Variants in CACNA2D3 observed in about 807,000 individuals in gnomAD.
CACNA2D3 encodes the protein calcium voltage-gated channel auxiliary subunit alpha2delta 3.
CACNA2D3 carries 60 observed loss-of-function variants against 160.6 expected under a neutral mutation model. The observed-to-expected ratio is 0.37, with a 90% confidence interval of 0.30 to 0.46. The LOEUF (loss-of-function observed/expected upper bound fraction) is 0.46, where lower values mean the gene tolerates loss of function less well. Among genes scored for constraint, CACNA2D3 ranks in the 20% least tolerant of loss-of-function variants. CACNA2D3 has a pLI of 1.00. For synonymous variants in CACNA2D3, 558 were observed against 492.9 expected, an observed-to-expected ratio of 1.13 and a Z score of -1.75; for missense variants, 1,205 against 1,365.0, an observed-to-expected ratio of 0.88 and a Z score of 1.85.
intron 27 of CACNA2D3, among the ~76,000 whole-genome samples, chr3:54,957,762 G>A (rs565968127): frequency 3.3e-5 from 5 of 152,188 alleles, no homozygotes; most frequent in African/African-American, 4.8e-5. Flanking sequence ...ATGCCAGTCC[G>A]TCTGTCATCT....
intron 9 of CACNA2D3, among the ~76,000 whole-genome samples, chr3:54,592,235 TA>T (rs1441605384): frequency 6.6e-6 from 1 of 152,194 alleles, no homozygotes; most frequent in Non-Finnish European, 1.5e-5. Context: ...CCATGAGTCT[TA>T]AAACAGAGGA....
chr3:54,401,593 G>A (rs979805524), intron 4 of CACNA2D3, among the ~76,000 whole-genome samples: 53 of 152,244 alleles, frequency 3.5e-4, no homozygotes, highest in African/African-American at 1.2e-3. Context: ...AGAAAGGGAT[G>A]AAAATTTTAA....
In CACNA2D3 at chr3:54,502,152, T is replaced by C. The variant is rs558150624; in HGVS notation, c.382-1340T>C. Among the ~76,000 whole-genome samples, 13 of 152,372 alleles carry C rather than the reference T, an allele frequency of 8.5e-5. No individual in the cohort carries two copies. In the South Asian group the frequency reaches 2.7e-3, roughly 32 times the overall value. On this transcript the variant is annotated intron_variant, in intron 4 of 37. Transcript: ENST00000474759. ...CATTGTGTTCAGTGTTCTCTCAACTTCCTTGATCTGTAGCTTGATTTTTGT... is the reference window on the plus strand; with the variant it reads ...CATTGTGTTCAGTGTTCTCTCAACTCCCTTGATCTGTAGCTTGATTTTTGT...
chr3:54,533,332 C>CTTTTTTTTTTTT (rs60076440), intron 5 of CACNA2D3, among the ~76,000 whole-genome samples: 3 of 97,306 alleles, frequency 3.1e-5, no homozygotes, highest in Non-Finnish European at 3.9e-5. Flanking sequence ...CTTTTCTTTC[C>CTTTTTTTTTTTT]TTTTTTTTTT....
At chr3:54,588,010 C>T (rs1338769370) in intron 9 of CACNA2D3, among the ~76,000 whole-genome samples, 2 of 152,278 alleles carry the variant, frequency 1.3e-5, no homozygotes, top group South Asian at 2.1e-4. Context: ...AAACCAAAGA[C>T]AGTGCAGAAA....
intron 3 of CACNA2D3, among the ~76,000 whole-genome samples, chr3:54,381,981 A>G (rs968256501): frequency 6.6e-6 from 1 of 152,120 alleles, no homozygotes; most frequent in Admixed American, 6.5e-5. Flanking sequence ...TATCATTTTT[A>G]TTGAGTAAGG....
At chr3:54,476,249 CGTGT>C (rs368587312) in intron 4 of CACNA2D3, among the ~76,000 whole-genome samples, 10 of 142,476 alleles carry the variant, frequency 7.0e-5, no homozygotes, top group African/African-American at 2.3e-4. Flanking sequence ...AATATTCCTG[CGTGT>C]GTGTGTGTAT....
intron 17 of CACNA2D3, among the ~76,000 whole-genome samples, chr3:54,847,734 G>A (rs1698966779): frequency 6.6e-6 from 1 of 152,218 alleles, no homozygotes; most frequent in Non-Finnish European, 1.5e-5. Context: ...TGAAAAGTCT[G>A]ATTGAAAAAG....
At chr3:54,493,458 C>T (rs1275280297) in intron 4 of CACNA2D3, among the ~76,000 whole-genome samples, 1 of 152,124 alleles carries the variant, frequency 6.6e-6, no homozygotes, top group Non-Finnish European at 1.5e-5. Flanking sequence ...AGTGCTTATT[C>T]CAGTATTCAG....
intron 2 of CACNA2D3, among the ~76,000 whole-genome samples, chr3:54,128,278 T>G (rs1446537061): frequency 6.6e-6 from 1 of 152,198 alleles, no homozygotes; most frequent in Non-Finnish European, 1.5e-5. Flanking sequence ...TTTCCAGTTT[T>G]TGATGAAGAC....
chr3:54,748,806 A>G (rs1429993122), intron 11 of CACNA2D3, among the ~76,000 whole-genome samples: 1 of 152,144 alleles, frequency 6.6e-6, no homozygotes, highest in African/African-American at 2.4e-5. Context: ...AAGGCAGACC[A>G]CTGAAAGTTT....
intron 32 of CACNA2D3, among the ~76,000 whole-genome samples, chr3:55,006,937 G>T (rs79433303): frequency 0.011 from 1,661 of 152,290 alleles, 13 homozygotes; most frequent in Non-Finnish European, 0.02. Context: ...AACCACAAAA[G>T]GTTCTGAGAT....
chr3:54,914,122 C>A (rs1450950187), intron 27 of CACNA2D3, among the ~76,000 whole-genome samples: 2 of 152,156 alleles, frequency 1.3e-5, no homozygotes, highest in Admixed American at 1.3e-4. Context: ...TATAAGTCTG[C>A]AGTTAATTCT....
At chr3:54,380,631 G>A (rs1165659922) in intron 3 of CACNA2D3, among the ~76,000 whole-genome samples, 15 of 152,148 alleles carry the variant, frequency 9.9e-5, no homozygotes, top group African/African-American at 2.7e-4. Flanking sequence ...CCAGCCACTC[G>A]GGAGGCCGAG....
At chr3:54,440,132 C>G (rs902464069) in intron 4 of CACNA2D3, among the ~76,000 whole-genome samples, 1 of 152,156 alleles carries the variant, frequency 6.6e-6, no homozygotes, top group African/African-American at 2.4e-5. Flanking sequence ...TCTCTCCTCT[C>G]TAGTAAAGGA....
At chr3:54,328,639 A>T (rs919899366) in intron 3 of CACNA2D3, among the ~76,000 whole-genome samples, 1 of 152,112 alleles carries the variant, frequency 6.6e-6, no homozygotes, top group Non-Finnish European at 1.5e-5. Context: ...CCGGCTCCTC[A>T]TCTGTCCTGC....
chr3:54,651,820 T>A (rs2106865108), intron 11 of CACNA2D3, among the ~76,000 whole-genome samples: 1 of 152,236 alleles, frequency 6.6e-6, no homozygotes, highest in Admixed American at 6.5e-5. Flanking sequence ...AGGAATCCCC[T>A]CTTCTCCTGA....
At chr3:54,473,369 T>C (rs1164299771) in intron 4 of CACNA2D3, among the ~76,000 whole-genome samples, 1 of 152,012 alleles carries the variant, frequency 6.6e-6, no homozygotes, top group Admixed American at 6.6e-5. Context: ...TTACACCTTA[T>C]AAAAAAATTA....
At chr3:54,904,302 A>G (rs907949857) in intron 27 of CACNA2D3, among the ~76,000 whole-genome samples, 22 of 152,302 alleles carry the variant, frequency 1.4e-4, no homozygotes, top group Admixed American at 1.2e-3. Flanking sequence ...CACCGCATCT[A>G]CCATATCAGG....
Sources: gnomAD v4.1 joint callset for allele counts (sites outside exome capture counted in the v4.1 genomes callset) on GRCh38, gnomAD v4.1.1 for gene constraint, MANE v1.5 for transcripts, NCBI Gene and HGNC (gene_info 2026-07-23, HGNC 2026-07-21) for gene names.